ATP8B3: variants seen among roughly 807,000 people sequenced by gnomAD.
The protein encoded by ATP8B3 is phospholipid-transporting ATPase IK.
Under a neutral mutation model 140.9 loss-of-function variants are expected in ATP8B3, and 141 were observed. The ratio of observed to expected loss-of-function variants is 1.00; its 90% CI spans 0.87 to 1.15. The LOEUF (loss-of-function observed/expected upper bound fraction) is 1.15. Ranked by LOEUF, ATP8B3 falls within the 50% of genes most tolerant of loss-of-function variation. The pLI is 0.00. For missense variants in ATP8B3, 1,874 were observed against 1,740.6 expected, an observed-to-expected ratio of 1.08 and a Z score of -1.36; for synonymous variants, 765 against 714.6, an observed-to-expected ratio of 1.07 and a Z score of -1.13.
At chr19:1,790,622 T>C in intron 21 of ATP8B3, 135 bp downstream of exon 21, 1 of 381,976 alleles carries the variant, frequency 2.6e-6, no homozygotes, top group Non-Finnish European at 4.2e-6. Flanking sequence ...TCCTTCCTCC[T>C]ACCCTTCCCT....
chr19:1,806,454 C>T lies in ATP8B3; in HGVS notation c.677+174G>A. 7.6e-6 allele frequency: 11 copies of T among 1,456,768 alleles called. No individual in the cohort carries two copies. The highest frequency in any genetic ancestry group is 9.0e-6 in the Non-Finnish European group (10 of 1,110,258). The allele number at this position is 1,456,768 out of a possible 1,614,324, so 90.2% of individuals were successfully genotyped here. ...AAGGGTTCGCCATCAGGGCCTCGGC[C>T]TCTGTCCTCGTCCCGGCCAAACGCC... On this transcript the variant is annotated intron_variant, in intron 7 of 28. Coordinates refer to ENST00000310127, the MANE Select transcript of ATP8B3 (RefSeq NM_138813.4). The surrounding 1 kb of genome is among the most constrained non-coding windows in gnomAD (Gnocchi z 5.6).
chr19:1,810,578 T>C (rs1359043325), intron 3 of ATP8B3, 44 bp downstream of exon 3: 8 of 1,590,052 alleles, frequency 5.0e-6, no homozygotes, highest in Non-Finnish European at 6.9e-6. Flanking sequence ...CTGAACTTCA[T>C]AATCCCTCCC....
At chr19:1,799,890 C>T (rs964543253) in intron 14 of ATP8B3, 57 bp downstream of exon 14, 1 of 1,500,952 alleles carries the variant, frequency 6.7e-7, no homozygotes, top group Non-Finnish European at 9.0e-7. Context: ...TTCTCAGGCA[C>T]CCTGAGCCCC....
rs1395535971 is a variant in ATP8B3, at chr19:1,806,630, C to T, written c.675G>A (p.Lys225=). ...NNRPCQILMG[K]SFKQKKWQDL... Reference sequence around the variant, plus strand: ...CCCAGCTGCAGCCCCAGCCTCACCTCTTCCCCATCAGAATCTGGCAGGGTC... The same window carrying T: ...CCCAGCTGCAGCCCCAGCCTCACCTTTTCCCCATCAGAATCTGGCAGGGTC... Residue 225 remains lysine (K), a splice_region_variant and synonymous_variant, in exon 7 of 29, where the codon AAG becomes AAA. Transcript: ENST00000310127. This position sits in a 1 kb window ranked among gnomAD's most constrained non-coding sequence, Gnocchi z 5.6. The T allele has an allele frequency of 6.4e-7, 1 of 1,558,192 alleles. No homozygotes were observed. The highest frequency in any genetic ancestry group is 8.7e-7 in the Non-Finnish European group (1 of 1,151,200).
At chr19:1,788,025 G>A (rs375117195) in intron 24 of ATP8B3, among the ~76,000 whole-genome samples, 1 of 152,084 alleles carries the variant, frequency 6.6e-6, no homozygotes, top group East Asian at 1.9e-4. Flanking sequence ...CTGGGCAACA[G>A]AGTGAGACTC....
In ATP8B3 at chr19:1,802,512, G is replaced by A; in HGVS notation, c.1038C>T (p.Thr346=). ...LRGCRIRNTD[T]CYGLVIYAGF... ...CAGCATAAATGACCAGTCCATAGCAGGTGTCTGTGTTGCGAATCCTGCAGC... is the reference window on the plus strand; with the variant it reads ...CAGCATAAATGACCAGTCCATAGCAAGTGTCTGTGTTGCGAATCCTGCAGC... The change falls in exon 11 of 29, where the codon ACC becomes ACT. Residue 346 remains threonine, a synonymous_variant. Coordinates refer to ENST00000310127, the MANE Select transcript of ATP8B3 (RefSeq NM_138813.4). 2 of 1,545,820 alleles carry A rather than the reference G, an allele frequency of 1.3e-6. No individual in the cohort carries two copies. The highest frequency in any genetic ancestry group is 3.0e-5 in the African/African-American group (2 of 67,332).
intron 3 of ATP8B3, among the ~76,000 whole-genome samples, 195 bp from the exon 4 acceptor site, chr19:1,809,929 G>A (rs539458976): frequency 8.5e-5 from 13 of 152,310 alleles, no homozygotes; most frequent in African/African-American, 2.2e-4. Flanking sequence ...AGTTGGCGCC[G>A]GCACAAGTGG....
At chr19:1,787,279 G>T in intron 24 of ATP8B3, 93 bp from the exon 25 acceptor site, 3 of 1,020,310 alleles carry the variant, frequency 2.9e-6, no homozygotes, top group Non-Finnish European at 2.9e-6. Flanking sequence ...TCTGGGTGAG[G>T]TAACTCTGGT....
chr19:1,801,580 G>C (rs1030176176), intron 12 of ATP8B3, among the ~76,000 whole-genome samples: 1 of 151,972 alleles, frequency 6.6e-6, no homozygotes, highest in Non-Finnish European at 1.5e-5. Flanking sequence ...GTAAAACTCC[G>C]TCTCTACTAA....
At position 1,807,672 on chromosome 19, in the gene ATP8B3, G is replaced by T. The variant is rs560435609; in HGVS notation, c.517-406C>A. On this transcript the variant is annotated intron_variant, in intron 5 of 28. Coordinates refer to ENST00000310127, the MANE Select transcript of ATP8B3 (RefSeq NM_138813.4). The surrounding 1 kb of genome is among the most constrained non-coding windows in gnomAD (Gnocchi z 5.9). ...CCGGCCAGCGGCCTGCACACAGTAG[G>T]TACTCCATTAATGCTGAATGACTCG... Among the ~76,000 whole-genome samples the T allele has an allele frequency of 6.6e-6, 1 of 152,234 alleles. No homozygotes were observed. The highest frequency in any genetic ancestry group is 2.1e-4 in the South Asian group (1 of 4,832).
chr19:1,790,630 C>T, intron 21 of ATP8B3, 127 bp downstream of exon 21: 1 of 608,296 alleles, frequency 1.6e-6, no homozygotes, highest in South Asian at 1.9e-5. Context: ...CCTACCCTTC[C>T]CTCCCCTCTC....
At chr19:1,788,448 G>C (rs1235753099) in intron 24 of ATP8B3, among the ~76,000 whole-genome samples, 1 of 152,044 alleles carries the variant, frequency 6.6e-6, no homozygotes, top group Non-Finnish European at 1.5e-5. Flanking sequence ...TCAGGAGTTC[G>C]AGACCAGCCT....
In ATP8B3 at chr19:1,806,727, C is replaced by A; in HGVS notation, c.616-38G>T. On this transcript the variant is annotated intron_variant, in intron 6 of 28. Transcript: ENST00000310127. This position sits in a 1 kb window ranked among gnomAD's most constrained non-coding sequence, Gnocchi z 5.6. Reference sequence around the variant, plus strand: ...GGAAAGGATCAGAGAGACCGTCCAGCCTCTCCTGCCCCCGCCCAGGCCGCT... The same window carrying A: ...GGAAAGGATCAGAGAGACCGTCCAGACTCTCCTGCCCCCGCCCAGGCCGCT... The A allele has an allele frequency of 6.5e-7, 1 of 1,546,912 alleles. No homozygotes were observed. Among genetic ancestry groups the A allele is most frequent in the Non-Finnish European group, 8.7e-7 (1 of 1,143,614 alleles).
chr19:1,794,517 G>A lies in ATP8B3; in HGVS notation c.2055+1358C>T, dbSNP rs1273320980. Reference sequence around the variant, plus strand: ...CCTGTGAGGAGCCCCCAGGCTGGACGCAGAATCCTCTGGCCCTGTAGGGTC... The same window carrying A: ...CCTGTGAGGAGCCCCCAGGCTGGACACAGAATCCTCTGGCCCTGTAGGGTC... On this transcript the variant is annotated intron_variant, in intron 18 of 28. Transcript: ENST00000310127. This position sits in a 1 kb window ranked among gnomAD's most constrained non-coding sequence, Gnocchi z 4.8. 1.3e-5 allele frequency among the ~76,000 whole-genome samples: 2 copies of A among 151,990 alleles called. No homozygotes were observed. The highest frequency in any genetic ancestry group is 2.4e-5 in the African/African-American group (1 of 41,400).
chr19:1,791,928 G>A (rs778641015), intron 19 of ATP8B3, 67 bp from the exon 20 acceptor site: 2 of 1,593,962 alleles, frequency 1.3e-6, no homozygotes, highest in Non-Finnish European at 1.7e-6. Context: ...GCGGGGGCAG[G>A]AGAGTCCCAG....
At chr19:1,812,102 A>C in intron 1 of ATP8B3, 84 bp downstream of exon 1, 1 of 204,846 alleles carries the variant, frequency 4.9e-6, no homozygotes, top group Non-Finnish European at 9.7e-6. Flanking sequence ...CGCCGCCACG[A>C]CCCCAGCTCT....
In ATP8B3 at chr19:1,805,249, C is replaced by T. The variant is rs1328313616; in HGVS notation, c.904+125G>A. 3.2e-6 allele frequency: 3 copies of T among 923,844 alleles called. No homozygotes were observed. The highest frequency in any genetic ancestry group is 5.1e-6 in the Non-Finnish European group (3 of 584,750). 57.2% of individuals were successfully genotyped at this position (923,844 alleles called of 1,614,324 possible). On this transcript the variant is annotated intron_variant, in intron 10 of 28. Coordinates refer to ENST00000310127, the MANE Select transcript of ATP8B3 (RefSeq NM_138813.4). The surrounding 1 kb of genome is among the most constrained non-coding windows in gnomAD (Gnocchi z 5.2). The stretch of plus-strand genomic sequence containing the variant: ...CTCAGCCTCCCAAAGTGCTGGGATT[C>T]CAGGTGTGAGCCACTGGGCCTGGCC...
chr19:1,807,411 C>G lies in ATP8B3; in HGVS notation c.517-145G>C, dbSNP rs1044545228. 5 of 642,382 alleles carry G rather than the reference C, an allele frequency of 7.8e-6. No individual in the cohort carries two copies. The African/African-American group carries it at 9.1e-5, about 12-fold the overall frequency. 39.8% of individuals were successfully genotyped at this position (642,382 alleles called of 1,614,324 possible). A position where few individuals can be genotyped will look rare whatever the true frequency, so the allele number is the denominator to read the frequency against. ...CCGGGGTCCAGCCATCTCCTGCAAC[C>G]CCCAGCCCTCGGGACAAACGCCCCG... On this transcript the variant is annotated intron_variant, in intron 5 of 28. Transcript: ENST00000310127. The surrounding 1 kb of genome is among the most constrained non-coding windows in gnomAD (Gnocchi z 5.9).
chr19:1,811,816 G>A lies in ATP8B3; in HGVS notation c.-80C>T, dbSNP rs1031078527. 2.7e-5 allele frequency: 39 copies of A among 1,420,316 alleles called. No homozygotes were observed. The highest frequency in any genetic ancestry group is 2.3e-4 in the African/African-American group (16 of 70,380). 88.0% of individuals were successfully genotyped at this position (1,420,316 alleles called of 1,614,324 possible). On this transcript the variant is annotated 5_prime_UTR_variant, in exon 2 of 29. In the 5' UTR this introduces an upstream ATG that the reference lacks. Transcript: ENST00000310127. ...CGGGGGAGAGGTGGGGGAGACCCCC[G>A]TGGGGGCAGACTGGGGATTGGAGAG...
Sources: allele counts gnomAD v4.1 joint callset (sites outside exome capture counted in the v4.1 genomes callset), GRCh38; gene constraint gnomAD v4.1.1; non-coding constraint Gnocchi (gnomAD v3.1); transcripts MANE v1.5; gene names NCBI Gene and HGNC (gene_info 2026-07-23, HGNC 2026-07-21).